Variants in NBR1 observed in about 807,000 individuals in gnomAD.
NBR1 encodes NBR1 autophagy cargo receptor.
Under a neutral mutation model 115.5 loss-of-function variants are expected in NBR1, and 59 were observed. The observed-to-expected ratio is 0.51, with a 90% confidence interval of 0.41 to 0.63. NBR1 has a LOEUF of 0.63. Ranked by LOEUF, NBR1 falls within the 30% of genes least tolerant of loss-of-function variation. NBR1 has a pLI of 0.00. For missense variants in NBR1, 1,043 were observed against 1,150.5 expected (o/e 0.91, Z 1.35); for synonymous variants, 373 against 414.7 (o/e 0.90, Z 1.22).
Position 43,179,410 on chromosome 17 carries a change from A to G in NBR1, c.182A>G (p.Gln61Arg). The change falls in exon 4 of 21, where the codon CAA becomes CGA. Residue 61 changes from glutamine (Q) to arginine (R), a missense_variant and splice_region_variant. By Grantham distance (43) the Gln-to-Arg change is conservative. Transcript: ENST00000590996. ...CTTTTATAGGTATCCATCAACAGTC[A>G]AGGTGAGTCCCTAAGAGAGTCTGTT... ...EENEEVSINS[Q>R]GEYEEALKMA... 1 of 1,612,962 alleles carries G rather than the reference A, an allele frequency of 6.2e-7. No homozygotes were observed. Among genetic ancestry groups the G allele is most frequent in the Non-Finnish European group, 8.5e-7 (1 of 1,179,032 alleles).
chr17:43,172,964 T>C (rs965953404), intron 1 of NBR1, among the ~76,000 whole-genome samples: 5 of 152,046 alleles, frequency 3.3e-5, no homozygotes, highest in Admixed American at 6.6e-5. Flanking sequence ...TAGCTGGAAC[T>C]ACGGGCGCCC....
intron 20 of NBR1, chr17:43,209,483 C>T: frequency 1.6e-6 from 2 of 1,233,872 alleles, no homozygotes; most frequent in Non-Finnish European, 1.1e-6. Context: ...ACAAAATTTC[C>T]CATAGCATCT....
At chr17:43,204,517 T>TG (rs1339250438) in intron 20 of NBR1, among the ~76,000 whole-genome samples, 2 of 150,324 alleles carry the variant, frequency 1.3e-5, no homozygotes, top group Non-Finnish European at 3.0e-5. Context: ...CAAAAAAATT[T>TG]AAAAATTAGA....
chr17:43,186,172 T>G, intron 5 of NBR1, 78 bp from the exon 6 acceptor site: 1 of 1,257,558 alleles, frequency 8.0e-7, no homozygotes, highest in Non-Finnish European at 1.1e-6. Context: ...CACACTCTTC[T>G]GTTTTGATGT....
intron 9 of NBR1, among the ~76,000 whole-genome samples, chr17:43,191,127 A>G (rs2056934299): frequency 6.6e-6 from 1 of 152,068 alleles, no homozygotes; most frequent in Non-Finnish European, 1.5e-5. Context: ...GGTGGTGCGT[A>G]CCTATAGTTT....
chr17:43,194,688 G>A, intron 13 of NBR1, 189 bp downstream of exon 13: 1 of 702,474 alleles, frequency 1.4e-6, no homozygotes, highest in South Asian at 1.9e-5. Flanking sequence ...TTTGAATTGG[G>A]AACTCAATCC....
intron 5 of NBR1, among the ~76,000 whole-genome samples, chr17:43,186,003 AAAATAAATAAATAAAT>A (rs57886411): frequency 0.015 from 2,140 of 147,184 alleles, 31 homozygotes; most frequent in East Asian, 0.04. Flanking sequence ...CTCCGTCTCA[AAAATAAATAAATAAAT>A]AAATAAATAA....
At chr17:43,201,408 C>G (rs888610710) in intron 17 of NBR1, among the ~76,000 whole-genome samples, 8 of 152,214 alleles carry the variant, frequency 5.3e-5, no homozygotes, top group Non-Finnish European at 1.0e-4. Flanking sequence ...GTAAACCATT[C>G]TCCCCAAAAG....
intron 1 of NBR1, among the ~76,000 whole-genome samples, 157 bp downstream of exon 1, chr17:43,171,459 G>A (rs2056366107): frequency 6.6e-6 from 1 of 152,250 alleles, no homozygotes; most frequent in Non-Finnish European, 1.5e-5. Context: ...AGCCCTTCAT[G>A]TTCAGAGGGA....
At chr17:43,188,967 A>AAAT in intron 6 of NBR1, 75 bp from the exon 7 acceptor site, 1 of 1,075,702 alleles carries the variant, frequency 9.3e-7, no homozygotes, top group Non-Finnish European at 1.4e-6. Context: ...AGAAACCTCA[A>AAAT]AATAATACAC....
At chr17:43,181,288 C>T (rs1351801311) in intron 5 of NBR1, among the ~76,000 whole-genome samples, 1 of 152,238 alleles carries the variant, frequency 6.6e-6, no homozygotes, top group East Asian at 1.9e-4. Context: ...GCACGACACT[C>T]AGCAAAAGGC....
At chr17:43,181,523 C>T (rs1253996265) in intron 5 of NBR1, among the ~76,000 whole-genome samples, 1 of 31,378 alleles carries the variant, frequency 3.2e-5, no homozygotes, top group African/African-American at 3.6e-5. Context: ...TACAAAACAG[C>T]CGGGCGTGGG....
chr17:43,195,430 T>A (rs574932933), intron 14 of NBR1: 16 of 228,768 alleles, frequency 7.0e-5, no homozygotes, highest in Non-Finnish European at 1.3e-4. Flanking sequence ...GACGGGCAGA[T>A]CACCTGAGGT....
chr17:43,203,685 C>G lies in NBR1; in HGVS notation c.2626C>G (p.His876Asp). 1 of 1,605,228 alleles carries G rather than the reference C, an allele frequency of 6.2e-7. No homozygotes were observed. The highest frequency in any genetic ancestry group is 8.5e-7 in the Non-Finnish European group (1 of 1,174,526). Residue 876 changes from histidine (H) to aspartate (D), a missense_variant, in exon 20 of 21, where the codon CAT becomes GAT. Coordinates refer to ENST00000590996, the MANE Select transcript of NBR1 (RefSeq NM_005899.5). ...TAATTTGGTTTTCCTCTGCAGGCACCATCATGGGAGCAGCATTGCTGGAGG... is the reference window on the plus strand; with the variant it reads ...TAATTTGGTTTTCCTCTGCAGGCACGATCATGGGAGCAGCATTGCTGGAGG... The part of the protein sequence containing the change: ...RQKSYDHSRH[H>D]HGSSIAGGLV...
Position 43,203,767 on chromosome 17 carries a change from G to A in NBR1, c.2708G>A (p.Gly903Glu), listed in dbSNP as rs767351367. Residue 903 changes from glycine to glutamate, a missense_variant, in exon 20 of 21, where the codon GGG becomes GAG. Physicochemically the swap from Gly to Glu is moderately conservative, Grantham distance 98 (BLOSUM62 -2). Coordinates refer to ENST00000590996, the MANE Select transcript of NBR1 (RefSeq NM_005899.5). ...AASAYKALFA[G>E]PPVTAQPIIS... ...TCTGCATACAAGGCCCTGTTTGCTGGGCCACCAGTCACTGCACAGGTCAGT... is the reference window on the plus strand; with the variant it reads ...TCTGCATACAAGGCCCTGTTTGCTGAGCCACCAGTCACTGCACAGGTCAGT... 1.0e-5 allele frequency: 16 copies of A among 1,598,636 alleles called. No individual in the cohort carries two copies. In the East Asian group the frequency reaches 2.7e-4, roughly 27 times the overall value.
Position 43,201,094 on chromosome 17 carries a change from C to G in NBR1, c.2468+486C>G, listed in dbSNP as rs62076428. ...ACGTTGTCCAGGCTGGTCTTGAACT[C>G]CTGGCCTTAAGCGATCCAACTGCCT... On this transcript the variant is annotated intron_variant, in intron 17 of 20. Coordinates refer to ENST00000590996, the MANE Select transcript of NBR1 (RefSeq NM_005899.5). Among the ~76,000 whole-genome samples the G allele has an allele frequency of 4.9e-3, 742 of 152,214 alleles. 29 individuals are homozygous for G. In the East Asian group the frequency reaches 0.1, roughly 20 times the overall value.
rs1312927040 is a variant in NBR1, at chr17:43,196,598, G to A, written c.1861+7G>A. ...GGATTTAAAGCACTTCCTGGTAAGG[G>A]ATTAAACATTTGTAAAGTATTTGCA... On this transcript the variant is annotated splice_region_variant and intron_variant, in intron 15 of 20. Transcript: ENST00000590996. The A allele has an allele frequency of 6.4e-7, 1 of 1,566,974 alleles. No individual in the cohort carries two copies. The highest frequency in any genetic ancestry group is 1.4e-5 in the African/African-American group (1 of 73,874).
chr17:43,198,360 A>C (rs930794031), intron 16 of NBR1, among the ~76,000 whole-genome samples: 3 of 152,094 alleles, frequency 2.0e-5, no homozygotes, highest in Non-Finnish European at 4.4e-5. Context: ...TTTTGTTTAA[A>C]GTATACATGT....
At chr17:43,199,713 C>T (rs1003080857) in intron 16 of NBR1, among the ~76,000 whole-genome samples, 4 of 152,074 alleles carry the variant, frequency 2.6e-5, no homozygotes, top group Admixed American at 6.6e-5. Flanking sequence ...CCCTCTCAAA[C>T]ATGATTGGCC....
Sources: gnomAD v4.1 joint callset for allele counts (sites outside exome capture counted in the v4.1 genomes callset) on GRCh38, gnomAD v4.1.1 for gene constraint, MANE v1.5 for transcripts, NCBI Gene and HGNC (gene_info 2026-07-23, HGNC 2026-07-21) for gene names.